Variants in SLC35F4 observed in about 807,000 individuals in gnomAD.
The protein encoded by SLC35F4 is solute carrier family 35 member F4, also known as chromosome 14 open reading frame 36.
SLC35F4 carries 24 observed loss-of-function variants against 44.2 expected under a neutral mutation model. The ratio of observed to expected loss-of-function variants is 0.54; its 90% CI spans 0.39 to 0.76. The LOEUF is 0.76. Among genes scored for constraint, SLC35F4 ranks in the 30% least tolerant of loss-of-function variants. SLC35F4 has a pLI of 0.00. For synonymous variants in SLC35F4, 238 were observed against 223.6 expected (o/e 1.06, Z -0.57); for missense variants, 562 against 586.1 (o/e 0.96, Z 0.42).
chr14:57,737,478 G>A (rs1432408298), intron 1 of SLC35F4, among the ~76,000 whole-genome samples: 4 of 152,128 alleles, frequency 2.6e-5, no homozygotes, highest in African/African-American at 4.8e-5. Flanking sequence ...CTTAAAAAGT[G>A]TACAGTGTCC....
intron 1 of SLC35F4, among the ~76,000 whole-genome samples, chr14:57,939,407 C>T (rs994311871): frequency 3.3e-5 from 5 of 152,168 alleles, no homozygotes; most frequent in Admixed American, 3.3e-4. Context: ...GAGCCACCAA[C>T]TGTAGCCATC....
At chr14:57,612,648 G>A (rs1595049402) in intron 1 of SLC35F4, among the ~76,000 whole-genome samples, 1 of 152,128 alleles carries the variant, frequency 6.6e-6, no homozygotes. Context: ...CTTTTCATAA[G>A]CATTTGTTGA....
upstream of SLC35F4, chr14:57,982,157 A>C (rs1881400930): frequency 6.6e-6 from 1 of 152,150 alleles, no homozygotes; most frequent in African/African-American, 2.4e-5. Context: ...CTACTTCGTG[A>C]GGAGACATTT....
intron 4 of SLC35F4, chr14:57,579,554 G>A (rs1197492173): frequency 1.3e-5 from 2 of 152,048 alleles, no homozygotes; most frequent in Non-Finnish European, 2.9e-5. Flanking sequence ...GTATTTGCAC[G>A]CCACTAAAAG....
chr14:57,930,328 T>C (rs113805751), intron 1 of SLC35F4, among the ~76,000 whole-genome samples: 1 of 152,286 alleles, frequency 6.6e-6, no homozygotes, highest in African/African-American at 2.4e-5. Flanking sequence ...GGGGGATGCT[T>C]GGCATCTTCT....
chr14:57,978,793 T>C (rs185034061), intron 1 of SLC35F4, among the ~76,000 whole-genome samples: 11 of 152,316 alleles, frequency 7.2e-5, no homozygotes, highest in East Asian at 3.9e-4. Context: ...ATCCATGAAA[T>C]TGAAAATCAG....
At chr14:57,906,242 C>T (rs2141048308) in intron 1 of SLC35F4, among the ~76,000 whole-genome samples, 1 of 152,256 alleles carries the variant, frequency 6.6e-6, no homozygotes, top group Non-Finnish European at 1.5e-5. Flanking sequence ...AAGATGACTG[C>T]CACTTACAAT....
intron 1 of SLC35F4, among the ~76,000 whole-genome samples, chr14:57,614,088 C>T (rs1319731444): frequency 6.6e-6 from 1 of 152,164 alleles, no homozygotes; most frequent in Non-Finnish European, 1.5e-5. Context: ...CATTTCCCCA[C>T]ATAAACAAGT....
chr14:57,955,640 T>TGC (rs1890222469), intron 1 of SLC35F4, among the ~76,000 whole-genome samples: 1 of 151,866 alleles, frequency 6.6e-6, no homozygotes, highest in South Asian at 2.1e-4. Flanking sequence ...TTCCTATACA[T>TGC]CAATAATAAA....
intron 1 of SLC35F4, among the ~76,000 whole-genome samples, chr14:57,646,909 A>T (rs1452466700): frequency 6.6e-6 from 1 of 152,194 alleles, no homozygotes; most frequent in Non-Finnish European, 1.5e-5. Context: ...CAGGTTGTTC[A>T]GTTTCCATGT....
chr14:57,586,063 C>T (rs558353428), intron 3 of SLC35F4, among the ~76,000 whole-genome samples: 1 of 152,292 alleles, frequency 6.6e-6, no homozygotes, highest in South Asian at 2.1e-4. Flanking sequence ...CATCACACGA[C>T]CTGACATCAA....
At chr14:57,875,588 T>C (rs531602286) in intron 1 of SLC35F4, among the ~76,000 whole-genome samples, 1 of 152,140 alleles carries the variant, frequency 6.6e-6, no homozygotes, top group Non-Finnish European at 1.5e-5. Flanking sequence ...GTCTAGTGGA[T>C]GGGAGATTGG....
At chr14:57,937,934 T>TCTACTTCTGATCCTTTTC (rs1363127905) in intron 1 of SLC35F4, among the ~76,000 whole-genome samples, 3 of 152,154 alleles carry the variant, frequency 2.0e-5, no homozygotes, top group Non-Finnish European at 4.4e-5. Context: ...CATGCACATT[T>TCTACTTCTGATCCTTTTC]CTACTTCTGA....
At chr14:57,902,950 T>G (rs2141046272) in intron 1 of SLC35F4, among the ~76,000 whole-genome samples, 1 of 152,328 alleles carries the variant, frequency 6.6e-6, no homozygotes, top group South Asian at 2.1e-4. Context: ...ACATCTTTGC[T>G]GACGTTTTTC....
intron 1 of SLC35F4, among the ~76,000 whole-genome samples, chr14:57,962,747 T>C (rs1464393768): frequency 1.3e-5 from 2 of 152,366 alleles, no homozygotes; most frequent in East Asian, 3.9e-4. Context: ...TAAAATTTTG[T>C]AAAGGAGAAT....
intron 5 of SLC35F4, among the ~76,000 whole-genome samples, chr14:57,571,547 G>A (rs940577871): frequency 5.9e-5 from 9 of 152,172 alleles, no homozygotes; most frequent in Admixed American, 4.6e-4. Context: ...TGATAAATGA[G>A]GGATTAGGGC....
At chr14:57,664,761 C>T (rs926234238) in intron 1 of SLC35F4, among the ~76,000 whole-genome samples, 6 of 152,186 alleles carry the variant, frequency 3.9e-5, no homozygotes, top group East Asian at 3.9e-4. Context: ...ATCATGCTTC[C>T]GTCCATGAGT....
chr14:57,801,184 C>T (rs1174027621), intron 1 of SLC35F4, among the ~76,000 whole-genome samples: 3 of 152,018 alleles, frequency 2.0e-5, no homozygotes, highest in African/African-American at 7.2e-5. Flanking sequence ...CAAAACTCTA[C>T]AAGCCAGAAG....
intron 2 of SLC35F4, among the ~76,000 whole-genome samples, chr14:57,590,563 A>G (rs2139899861): frequency 6.6e-6 from 1 of 152,300 alleles, no homozygotes; most frequent in East Asian, 1.9e-4. Flanking sequence ...TTTACAGCAC[A>G]CTAAAATAGC....
Sources: gnomAD v4.1 joint callset for allele counts (sites outside exome capture counted in the v4.1 genomes callset) on GRCh38, gnomAD v4.1.1 for gene constraint, MANE v1.5 for transcripts, NCBI Gene and HGNC (gene_info 2026-07-23, HGNC 2026-07-21) for gene names.